C8orf34: variants seen among roughly 807,000 people sequenced by gnomAD.
The protein encoded by C8orf34 is uncharacterized protein C8orf34.
Under a neutral mutation model 68.3 loss-of-function variants are expected in C8orf34, and 65 were observed. The ratio of observed to expected loss-of-function variants is 0.95; its 90% CI spans 0.78 to 1.17. The LOEUF is 1.17. Ranked by LOEUF, C8orf34 falls within the 50% of genes most tolerant of loss-of-function variation. C8orf34 has a pLI of 0.00. For synonymous variants in C8orf34, 244 were observed against 241.2 expected, an observed-to-expected ratio of 1.01 and a Z score of -0.11; for missense variants, 664 against 655.4, an observed-to-expected ratio of 1.01 and a Z score of -0.14.
chr8:68,802,281 G>A (rs969959285), intron 12 of C8orf34, among the ~76,000 whole-genome samples: 1 of 151,480 alleles, frequency 6.6e-6, no homozygotes, highest in Non-Finnish European at 1.5e-5. Flanking sequence ...TGTATTTTTA[G>A]TAGAGAAGGG....
chr8:68,680,875 C>A (rs543854211), intron 8 of C8orf34, among the ~76,000 whole-genome samples: 163 of 152,092 alleles, frequency 1.1e-3, no homozygotes, highest in Non-Finnish European at 1.8e-3. Context: ...GAGACCAGGG[C>A]GTATCTCAGT....
intron 1 of C8orf34, among the ~76,000 whole-genome samples, chr8:68,395,056 A>G (rs1190931570): frequency 1.3e-5 from 2 of 152,098 alleles, no homozygotes; most frequent in Non-Finnish European, 2.9e-5. Context: ...TTTATCAGTA[A>G]TATGAATGTC....
At chr8:68,375,595 A>G (rs1486536895) in intron 1 of C8orf34, among the ~76,000 whole-genome samples, 1 of 152,248 alleles carries the variant, frequency 6.6e-6, no homozygotes, top group Non-Finnish European at 1.5e-5. Context: ...AAGCAATGGC[A>G]TGAGCCAAGA....
intron 7 of C8orf34, among the ~76,000 whole-genome samples, chr8:68,627,935 G>C (rs1241454437): frequency 2.0e-5 from 3 of 152,042 alleles, no homozygotes; most frequent in Non-Finnish European, 2.9e-5. Flanking sequence ...ATCTCAGAAA[G>C]TTTTTTACTC....
chr8:68,468,116 C>T (rs1812226483), intron 3 of C8orf34, among the ~76,000 whole-genome samples: 3 of 151,870 alleles, frequency 2.0e-5, no homozygotes, highest in Admixed American at 2.0e-4. Flanking sequence ...TTTTCTTTGC[C>T]TTGCAAAATC....
intron 5 of C8orf34, among the ~76,000 whole-genome samples, chr8:68,496,196 T>C (rs1338464083): frequency 6.6e-6 from 1 of 152,200 alleles, no homozygotes; most frequent in Non-Finnish European, 1.5e-5. Context: ...GATAAATATA[T>C]ATGAGACCAT....
intron 7 of C8orf34, among the ~76,000 whole-genome samples, chr8:68,632,299 G>A (rs3905598): frequency 0.14 from 21,021 of 152,040 alleles, 1,520 homozygotes; most frequent in Admixed American, 0.21. Context: ...TTGAACTTGA[G>A]AAAGATGATT....
chr8:68,411,323 TA>T, intron 1 of C8orf34, among the ~76,000 whole-genome samples: 1 of 152,280 alleles, frequency 6.6e-6, no homozygotes, highest in East Asian at 1.9e-4. Flanking sequence ...TTTGGTCAAA[TA>T]ACAAATATAA....
chr8:68,593,659 C>CA (rs1297087030), intron 7 of C8orf34, among the ~76,000 whole-genome samples: 2 of 151,956 alleles, frequency 1.3e-5, no homozygotes, highest in African/African-American at 2.4e-5. Context: ...TGTTCATTTA[C>CA]AGCTTTTCTC....
intron 7 of C8orf34, among the ~76,000 whole-genome samples, chr8:68,563,943 G>A (rs1039432159): frequency 3.3e-5 from 5 of 152,182 alleles, no homozygotes; most frequent in Admixed American, 6.5e-5. Context: ...AAATCACTAG[G>A]AGCTTTTGCA....
At chr8:68,794,172 A>T (rs1325414867) in intron 12 of C8orf34, among the ~76,000 whole-genome samples, 2 of 151,688 alleles carry the variant, frequency 1.3e-5, no homozygotes, top group Admixed American at 1.3e-4. Context: ...CTGTTTTTAA[A>T]AATTTCTTTG....
chr8:68,806,823 A>G (rs1824502239), intron 12 of C8orf34, among the ~76,000 whole-genome samples: 1 of 152,218 alleles, frequency 6.6e-6, no homozygotes. Flanking sequence ...TTAGTGGTCT[A>G]AAACAATACT....
At chr8:68,400,716 A>G (rs924755457) in intron 1 of C8orf34, among the ~76,000 whole-genome samples, 4 of 152,044 alleles carry the variant, frequency 2.6e-5, no homozygotes, top group Non-Finnish European at 5.9e-5. Flanking sequence ...GTGCACCACC[A>G]TGCCCAGCTT....
chr8:68,733,871 TA>T (rs935070190), intron 10 of C8orf34, among the ~76,000 whole-genome samples: 1 of 152,178 alleles, frequency 6.6e-6, no homozygotes, highest in Non-Finnish European at 1.5e-5. Flanking sequence ...GGAAGCTGAG[TA>T]ATTTGTAAGT....
intron 12 of C8orf34, among the ~76,000 whole-genome samples, chr8:68,809,819 C>T (rs1209428895): frequency 6.6e-6 from 1 of 152,114 alleles, no homozygotes; most frequent in Non-Finnish European, 1.5e-5. Flanking sequence ...GGCATGGTCT[C>T]ATTGGAGGTA....
At chr8:68,405,993 A>G (rs1288677044) in intron 1 of C8orf34, among the ~76,000 whole-genome samples, 1 of 152,208 alleles carries the variant, frequency 6.6e-6, no homozygotes, top group African/African-American at 2.4e-5. Context: ...TTCAAAAACC[A>G]TGTCGCCAAA....
rs756214945 is a variant in C8orf34 at position 68,721,393 on chromosome 8, G to T, written c.1360G>T (p.Glu454Ter). ...SLPGTEEALM[E>*]EGDEFEKASK... Reference sequence around the variant, plus strand: ...GCCTGGGACTGAAGAAGCACTAATGGAGGAGGGTGACGAATTTGAGAAAGC... The same window carrying T: ...GCCTGGGACTGAAGAAGCACTAATGTAGGAGGGTGACGAATTTGAGAAAGC... The change falls in exon 10 of 14, where the codon GAG becomes TAG. Residue 454 changes from glutamate to a stop codon, truncating the protein, a stop_gained. Coordinates refer to ENST00000518698, the MANE Select transcript of C8orf34 (RefSeq NM_052958.4). LOFTEE classifies it high-confidence loss of function. The T allele has an allele frequency of 6.2e-7, 1 of 1,609,522 alleles. No individual in the cohort carries two copies. The highest frequency in any genetic ancestry group is 1.1e-5 in the South Asian group (1 of 90,300).
intron 5 of C8orf34, among the ~76,000 whole-genome samples, chr8:68,517,402 G>T (rs1305587930): frequency 6.6e-6 from 1 of 152,052 alleles, no homozygotes; most frequent in Non-Finnish European, 1.5e-5. Flanking sequence ...AGAATGGGAG[G>T]AATATAAAGA....
rs535527449 is a variant in C8orf34, at chr8:68,674,806, G to A, written c.1242-34188G>A. 5.9e-5 allele frequency among the ~76,000 whole-genome samples: 9 copies of A among 152,124 alleles called. No individual in the cohort carries two copies. The South Asian group carries it at 8.3e-4, about 14-fold the overall frequency. ...GTACAAGAAGGTTATAGAATCCCAA[G>A]TAGGTTTAACCCAAAGTAAAGTATC... On this transcript the variant is annotated intron_variant, in intron 8 of 13. Transcript: ENST00000518698.
Sources: gnomAD v4.1 joint callset for allele counts (sites outside exome capture counted in the v4.1 genomes callset) on GRCh38, gnomAD v4.1.1 for gene constraint, MANE v1.5 for transcripts, NCBI Gene and HGNC (gene_info 2026-07-23, HGNC 2026-07-21) for gene names.